The following VTI1A variants were observed in gnomAD, a reference collection of about 807,000 sequenced individuals.
VTI1A encodes the protein vesicle transport through interaction with t-SNAREs homolog 1A.
VTI1A carries 22 observed loss-of-function variants against 34.9 expected under a neutral mutation model. That is an observed-to-expected ratio of 0.63 (90% CI 0.45 to 0.90). The LOEUF (loss-of-function observed/expected upper bound fraction) is 0.90, where lower values mean the gene tolerates loss of function less well. Among genes scored for constraint, VTI1A ranks in the 40% least tolerant of loss-of-function variants. The pLI is 0.00. For synonymous variants in VTI1A, 87 were observed against 97.3 expected, an observed-to-expected ratio of 0.89 and a Z score of 0.62; for missense variants, 268 against 275.6, an observed-to-expected ratio of 0.97 and a Z score of 0.20.
chr10:112,824,914 G>A, the VTI1A span: 2 of 152,282 alleles, frequency 1.3e-5, no homozygotes, highest in African/African-American at 4.8e-5. Context: ...CAAAGGCTAA[G>A]ATGGCAGTCT....
At chr10:112,540,288 A>G (rs1313453392) in intron 5 of VTI1A, among the ~76,000 whole-genome samples, 2 of 152,258 alleles carry the variant, frequency 1.3e-5, no homozygotes, top group Admixed American at 1.3e-4. Flanking sequence ...TCCACATCAA[A>G]CTATCAACAT....
At chr10:112,694,969 C>CTAAATAAATAAA (rs565452984) in intron 7 of VTI1A, among the ~76,000 whole-genome samples, 8 of 151,738 alleles carry the variant, frequency 5.3e-5, no homozygotes, top group African/African-American at 1.9e-4. Flanking sequence ...ACTCTGTCTC[C>CTAAATAAATAAA]TAAATAAATA....
At chr10:112,694,382 A>G (rs148748104) in intron 7 of VTI1A, among the ~76,000 whole-genome samples, 6 of 150,462 alleles carry the variant, frequency 4.0e-5, no homozygotes, top group Non-Finnish European at 7.4e-5. Context: ...GGATGGATGG[A>G]TGGGTGGATG....
At chr10:112,492,292 A>T (rs1316463896) in intron 3 of VTI1A, among the ~76,000 whole-genome samples, 2 of 152,182 alleles carry the variant, frequency 1.3e-5, no homozygotes, top group East Asian at 3.9e-4. Context: ...GACACTCTGA[A>T]GTGTTTTCAG....
At chr10:112,618,514 T>TAGAGAGAGAGAGAGAGAGAG (rs1418805647) in intron 5 of VTI1A, among the ~76,000 whole-genome samples, 6 of 42,514 alleles carry the variant, frequency 1.4e-4, no homozygotes, top group African/African-American at 4.5e-4. Flanking sequence ...TATATATATA[T>TAGAGAGAGAGAGAGAGAGAG]ATATATATAT....
At chr10:112,454,712 CAAAAA>C (rs10711229) in intron 1 of VTI1A, among the ~76,000 whole-genome samples, 6 of 134,598 alleles carry the variant, frequency 4.5e-5, no homozygotes, top group Non-Finnish European at 6.3e-5. Context: ...GCTTATAGAC[CAAAAA>C]AAAAAAAAAA....
At chr10:112,605,225 A>G (rs1845030715) in intron 5 of VTI1A, among the ~76,000 whole-genome samples, 1 of 152,130 alleles carries the variant, frequency 6.6e-6, no homozygotes, top group African/African-American at 2.4e-5. Flanking sequence ...CTGGGGCAGA[A>G]AGAGGAAGAA....
intron 7 of VTI1A, among the ~76,000 whole-genome samples, chr10:112,671,221 C>T (rs1279426754): frequency 3.3e-5 from 5 of 152,210 alleles, no homozygotes; most frequent in Non-Finnish European, 7.3e-5. Context: ...ATATGGCTTT[C>T]ACTTCCAGCC....
Position 112,791,084 on chromosome 10 carries a change from G to A in VTI1A, c.561-24206G>A, listed in dbSNP as rs148658517. ...GTAACTGCCAGGATCCCGTCTGCAT[G>A]TGCTCACATGAGCTTTGAATCCAGG... On this transcript the variant is annotated intron_variant, in intron 7 of 7. Coordinates refer to ENST00000393077, the MANE Select transcript of VTI1A (RefSeq NM_145206.4). Among the ~76,000 whole-genome samples, 403 of 152,254 alleles carry A rather than the reference G, an allele frequency of 2.6e-3. 4 individuals carry two copies. The highest frequency in any genetic ancestry group is 9.2e-3 in the African/African-American group (382 of 41,544).
intron 7 of VTI1A, among the ~76,000 whole-genome samples, chr10:112,745,771 A>G (rs374202877): frequency 4.6e-5 from 7 of 152,344 alleles, no homozygotes; most frequent in African/African-American, 1.2e-4. Flanking sequence ...CCAAGTGAAC[A>G]TATTGCTAAG....
At chr10:112,608,777 T>C (rs777421155) in intron 5 of VTI1A, among the ~76,000 whole-genome samples, 3 of 152,204 alleles carry the variant, frequency 2.0e-5, no homozygotes, top group Admixed American at 6.5e-5. Flanking sequence ...ATGCACTATG[T>C]CTGACCTTTC....
In VTI1A at chr10:112,714,642, A is replaced by C. The variant is rs184050254; in HGVS notation, c.560+45644A>C. 2.0e-5 allele frequency among the ~76,000 whole-genome samples: 3 copies of C among 152,346 alleles called. No individual in the cohort carries two copies. The East Asian group carries it at 5.8e-4, about 29-fold the overall frequency. On this transcript the variant is annotated intron_variant, in intron 7 of 7. Transcript: ENST00000393077. ...GATTTTACTGATATGGTTGTTTGGGATGAGCTGACTTTTTTCTTTAAAGGG... is the reference window on the plus strand; with the variant it reads ...GATTTTACTGATATGGTTGTTTGGGCTGAGCTGACTTTTTTCTTTAAAGGG...
intron 5 of VTI1A, among the ~76,000 whole-genome samples, chr10:112,547,976 T>C (rs890632235): frequency 1.3e-5 from 2 of 152,236 alleles, no homozygotes; most frequent in African/African-American, 4.8e-5. Context: ...GCTTACTCTT[T>C]TTAAAAATCA....
chr10:112,696,817 G>A (rs1263414892), intron 7 of VTI1A, among the ~76,000 whole-genome samples: 1 of 152,178 alleles, frequency 6.6e-6, no homozygotes, highest in Non-Finnish European at 1.5e-5. Context: ...CCTTGAGTAT[G>A]TACTGAGCTG....
At chr10:112,449,945 G>A (rs7476679) in intron 1 of VTI1A, 1 of 151,724 alleles carries the variant, frequency 6.6e-6, no homozygotes, top group African/African-American at 2.4e-5. Flanking sequence ...TATCGCCCAC[G>A]TTGGAGTGTA....
intron 5 of VTI1A, among the ~76,000 whole-genome samples, chr10:112,618,024 C>T (rs757479078): frequency 1.4e-4 from 21 of 151,976 alleles, no homozygotes; most frequent in Admixed American, 2.6e-4. Flanking sequence ...TGTGGTGGCA[C>T]CTGCCTGTAA....
In VTI1A at chr10:112,718,326, A is replaced by G. The variant is rs1034438389; in HGVS notation, c.560+49328A>G. Among the ~76,000 whole-genome samples, 3 of 152,206 alleles carry G rather than the reference A, an allele frequency of 2.0e-5. No individual in the cohort carries two copies. In the South Asian group the frequency reaches 6.2e-4, roughly 32 times the overall value. ...CATTTAGTGGAGTACTGAATGCTTC[A>G]GGGAGTGAAAAAAGAGAAACTGAAA... On this transcript the variant is annotated intron_variant, in intron 7 of 7. Transcript: ENST00000393077.
At chr10:112,643,392 A>G (rs1163982435) in intron 5 of VTI1A, among the ~76,000 whole-genome samples, 5 of 152,128 alleles carry the variant, frequency 3.3e-5, no homozygotes, top group Admixed American at 6.5e-5. Flanking sequence ...TGATTTCATA[A>G]GTAAATCTTT....
chr10:112,740,382 C>T (rs928328463), intron 7 of VTI1A, among the ~76,000 whole-genome samples: 2 of 152,154 alleles, frequency 1.3e-5, no homozygotes, highest in South Asian at 2.1e-4. Context: ...CTCCGCCTCC[C>T]AGGTTCAAGC....
Sources: gnomAD v4.1 joint callset for allele counts (sites outside exome capture counted in the v4.1 genomes callset) on GRCh38, gnomAD v4.1.1 for gene constraint, MANE v1.5 for transcripts, NCBI Gene and HGNC (gene_info 2026-07-23, HGNC 2026-07-21) for gene names.